The following EIF3L variants were observed in gnomAD, a reference collection of about 807,000 sequenced individuals.
The protein encoded by EIF3L is eukaryotic translation initiation factor 3 subunit L.
EIF3L carries 32 observed loss-of-function variants against 74.6 expected under a neutral mutation model. That is an observed-to-expected ratio of 0.43 (90% CI 0.32 to 0.58). EIF3L has a LOEUF of 0.58. Ranked by LOEUF, EIF3L falls within the 20% of genes least tolerant of loss-of-function variation. The pLI is 0.06. For synonymous variants in EIF3L, 256 were observed against 254.4 expected (o/e 1.01, Z -0.06); for missense variants, 474 against 707.8 (o/e 0.67, Z 3.75).
chr22:37,853,509 C>T (rs1356559120), intron 3 of EIF3L, among the ~76,000 whole-genome samples: 2 of 152,232 alleles, frequency 1.3e-5, no homozygotes, highest in East Asian at 1.9e-4. Flanking sequence ...TGGCAGCATG[C>T]CTATAGTCCC....
intron 12 of EIF3L, chr22:37,887,046 A>G (rs541958555): frequency 4.7e-5 from 19 of 402,150 alleles, no homozygotes; most frequent in African/African-American, 3.9e-4. Flanking sequence ...CTCCCTCCTC[A>G]GCCTCCCGCA....
Position 37,874,353 on chromosome 22 carries a change from G to C in EIF3L, c.752-17G>C, listed in dbSNP as rs549079006. On this transcript the variant is annotated splice_polypyrimidine_tract_variant and intron_variant, in intron 8 of 12. Coordinates refer to ENST00000652021, the MANE Select transcript of EIF3L (RefSeq NM_016091.4). ...TACCTGCCTCCTATCAGTATTCACGGTGTCTGTCTCTTTCAGGTGACCCTG... is the reference window on the plus strand; with the variant it reads ...TACCTGCCTCCTATCAGTATTCACGCTGTCTGTCTCTTTCAGGTGACCCTG... 2 of 1,612,392 alleles carry C rather than the reference G, an allele frequency of 1.2e-6. No individual in the cohort carries two copies. The highest frequency in any genetic ancestry group is 2.2e-5 in the East Asian group (1 of 44,846).
intron 10 of EIF3L, chr22:37,876,560 A>G (rs1926763453): frequency 6.6e-6 from 1 of 152,326 alleles, no homozygotes; most frequent in Non-Finnish European, 1.5e-5. Flanking sequence ...TCAGCCTCCC[A>G]AAGTGCTGGG....
At chr22:37,869,099 A>G (rs1926339239) in intron 7 of EIF3L, among the ~76,000 whole-genome samples, 1 of 152,090 alleles carries the variant, frequency 6.6e-6, no homozygotes, top group African/African-American at 2.4e-5. Flanking sequence ...ATATTACAAA[A>G]TTAGCATTTT....
At chr22:37,860,872 C>A (rs772097239) in intron 5 of EIF3L, among the ~76,000 whole-genome samples, 2 of 152,162 alleles carry the variant, frequency 1.3e-5, no homozygotes, top group Non-Finnish European at 2.9e-5. Flanking sequence ...CCAATCCTAC[C>A]ATGACTTCCC....
At chr22:37,875,753 C>T (rs759736542) in intron 9 of EIF3L, 88 bp from the exon 10 acceptor site, 2 of 1,343,500 alleles carry the variant, frequency 1.5e-6, no homozygotes, top group Non-Finnish European at 2.1e-6. Flanking sequence ...TTGAGGGCCT[C>T]TGCAGGGAAA....
Position 37,889,290 on chromosome 22 carries a change from A to C in EIF3L, c.*826A>C, listed in dbSNP as rs1242647978. 1.3e-5 allele frequency: 2 copies of C among 151,832 alleles called. No individual in the cohort carries two copies. Among genetic ancestry groups the C allele is most frequent in the Admixed American group, 6.6e-5 (1 of 15,244 alleles). 9.4% of individuals were successfully genotyped at this position (151,832 alleles called of 1,614,324 possible). On this transcript the variant is annotated 3_prime_UTR_variant, in exon 13 of 13. Transcript: ENST00000652021. The stretch of plus-strand genomic sequence containing the variant: ...TGGTCTCAGATTTCCTGACCTCGTG[A>C]TCTGCCCATCTCTGCCTCCTAAAGT...
chr22:37,886,492 C>T (rs142017361), intron 11 of EIF3L: 11,912 of 183,924 alleles, frequency 0.065, 559 homozygotes, highest in Non-Finnish European at 0.097. Context: ...TTGCTTGAAC[C>T]CTGGAGGCGG....
chr22:37,885,290 C>T (rs961175102), intron 11 of EIF3L: 7 of 152,080 alleles, frequency 4.6e-5, no homozygotes, highest in African/African-American at 1.4e-4. Flanking sequence ...CTGCATTCCT[C>T]TGTCACCTCT....
In EIF3L at chr22:37,855,601, A is replaced by C. The variant is rs933836628; in HGVS notation, c.330A>C (p.Thr110=). 1.9e-6 allele frequency: 3 copies of C among 1,614,198 alleles called. No homozygotes were observed. The highest frequency in any genetic ancestry group is 2.5e-6 in the Non-Finnish European group (3 of 1,180,030). Residue 110 remains threonine (T), a synonymous_variant, in exon 4 of 13, where the codon ACA becomes ACC. Coordinates refer to ENST00000652021, the MANE Select transcript of EIF3L (RefSeq NM_016091.4). ...TKLTERFFKN[T]PWPEAEAIAP... is the part of the protein sequence containing the mutation. Reference sequence around the variant, plus strand: ...TGACTGAAAGATTCTTCAAGAATACACCTTGGCCCGAGGCTGAAGCCATTG... The same window carrying C: ...TGACTGAAAGATTCTTCAAGAATACCCCTTGGCCCGAGGCTGAAGCCATTG...
In EIF3L at chr22:37,849,491, GC is replaced by G. The variant is rs761443471; in HGVS notation, c.33+11del. 6 of 1,589,774 alleles carry G rather than the reference GC, an allele frequency of 3.8e-6. No individual in the cohort carries two copies. The highest frequency in any genetic ancestry group is 4.3e-6 in the Non-Finnish European group (5 of 1,163,224). ...ATGATTATGAGTCTGAGGTAAGGTG[GC>G]CGTAAGGGCGCGGTGGGCTCCACGA... On this transcript the variant is annotated intron_variant, in intron 1 of 12. Coordinates refer to ENST00000652021, the MANE Select transcript of EIF3L (RefSeq NM_016091.4).
chr22:37,867,616 CA>C (rs1926218716), intron 7 of EIF3L, among the ~76,000 whole-genome samples: 1 of 148,146 alleles, frequency 6.8e-6, no homozygotes, highest in Non-Finnish European at 1.5e-5. Context: ...GAGATCACAC[CA>C]CCGCACTCCA....
chr22:37,872,507 A>T (rs1296251984), intron 8 of EIF3L, among the ~76,000 whole-genome samples: 2 of 152,212 alleles, frequency 1.3e-5, no homozygotes, highest in Non-Finnish European at 2.9e-5. Context: ...TTTTTTTAAA[A>T]AGTCAGATTT....
chr22:37,873,605 G>GT (rs908224128), intron 8 of EIF3L, among the ~76,000 whole-genome samples: 8 of 151,700 alleles, frequency 5.3e-5, no homozygotes, highest in Admixed American at 1.3e-4. Flanking sequence ...TGTATCAGTT[G>GT]TTTTTTTCAA....
intron 3 of EIF3L, among the ~76,000 whole-genome samples, chr22:37,852,481 A>G (rs928330411): frequency 4.6e-5 from 7 of 152,214 alleles, no homozygotes; most frequent in African/African-American, 1.7e-4. Flanking sequence ...CGTTAGAGAT[A>G]AGATAGGTCA....
intron 9 of EIF3L, among the ~76,000 whole-genome samples, chr22:37,875,481 A>G (rs1926697605): frequency 6.6e-6 from 1 of 152,178 alleles, no homozygotes; most frequent in Non-Finnish European, 1.5e-5. Context: ...AATATTACAG[A>G]TAATTTTTAT....
At chr22:37,858,776 T>C in intron 5 of EIF3L, 36 bp downstream of exon 5, 1 of 1,576,910 alleles carries the variant, frequency 6.3e-7, no homozygotes, top group Non-Finnish European at 8.6e-7. Flanking sequence ...TTTTTTGTTT[T>C]TGTTTTTTTA....
Position 37,875,972 on chromosome 22 carries a change from C to G in EIF3L, c.1038C>G (p.Thr346=), listed in dbSNP as rs1324557641. 1.2e-6 allele frequency: 2 copies of G among 1,614,094 alleles called. No individual in the cohort carries two copies. The highest frequency in any genetic ancestry group is 1.7e-6 in the Non-Finnish European group (2 of 1,180,008). Residue 346 remains threonine, a synonymous_variant, in exon 10 of 13, where the codon ACC becomes ACG. Coordinates refer to ENST00000652021, the MANE Select transcript of EIF3L (RefSeq NM_016091.4). ...FANILLYIQR[T]KSMFQRTTYK... is the part of the protein sequence containing the mutation. Reference sequence around the variant, plus strand: ...ACATCCTCCTCTACATCCAGAGGACCAAGAGCATGTTCCAGAGGACCACGT... The same window carrying G: ...ACATCCTCCTCTACATCCAGAGGACGAAGAGCATGTTCCAGAGGACCACGT...
At chr22:37,864,147 C>A (rs1399099627) in intron 7 of EIF3L, among the ~76,000 whole-genome samples, 3 of 152,168 alleles carry the variant, frequency 2.0e-5, no homozygotes, top group Admixed American at 6.5e-5. Context: ...GCCTAGAACT[C>A]CTGGGTTCAA....
Sources: gnomAD v4.1 joint callset for allele counts (sites outside exome capture counted in the v4.1 genomes callset) on GRCh38, gnomAD v4.1.1 for gene constraint, MANE v1.5 for transcripts, NCBI Gene and HGNC (gene_info 2026-07-23, HGNC 2026-07-21) for gene names.